Variants in ESRRG observed in about 807,000 individuals in gnomAD.
ESRRG encodes the protein estrogen-related receptor gamma.
A neutral mutation model predicts 44.0 loss-of-function variants in ESRRG; 13 were observed. The observed-to-expected ratio is 0.30, with a 90% CI of 0.19 to 0.47. The LOEUF is 0.47. ESRRG is among the 20% of genes least tolerant of loss of function. The probability of loss-of-function intolerance (pLI) is 1.00; values close to 1 mark genes in which losing one functional copy is unlikely to be tolerated. For synonymous variants in ESRRG, 215 were observed against 214.6 expected (o/e 1.00, Z -0.02); for missense variants, 395 against 580.6 (o/e 0.68, Z 3.29).
intron 1 of ESRRG, among the ~76,000 whole-genome samples, chr1:217,100,529 T>C (rs531691671): frequency 6.6e-6 from 1 of 152,338 alleles, no homozygotes; most frequent in South Asian, 2.1e-4. Flanking sequence ...AGCCAGTTAG[T>C]TGTATTAGCC....
At chr1:216,991,448 C>T (rs2075684801) in intron 1 of ESRRG, among the ~76,000 whole-genome samples, 1 of 152,094 alleles carries the variant, frequency 6.6e-6, no homozygotes, top group East Asian at 1.9e-4. Context: ...CATTGGGAGC[C>T]TACTCTGGGC....
intron 2 of ESRRG, among the ~76,000 whole-genome samples, chr1:216,735,310 G>A (rs952853739): frequency 6.6e-6 from 1 of 151,744 alleles, no homozygotes; most frequent in Non-Finnish European, 1.5e-5. Flanking sequence ...CTGTGCTCAA[G>A]TGATCCTTCT....
At chr1:217,059,596 G>A (rs2087908001) in intron 1 of ESRRG, among the ~76,000 whole-genome samples, 1 of 152,054 alleles carries the variant, frequency 6.6e-6, no homozygotes, top group Admixed American at 6.6e-5. Context: ...CCAACTTGCT[G>A]TTGCCCCTGC....
chr1:216,762,529 G>A (rs1008591261), intron 2 of ESRRG, among the ~76,000 whole-genome samples: 2 of 141,914 alleles, frequency 1.4e-5, no homozygotes, highest in African/African-American at 5.3e-5. Flanking sequence ...CACAGGAAGG[G>A]GAACATCACA....
chr1:216,894,027 A>C (rs949020986), intron 2 of ESRRG, among the ~76,000 whole-genome samples: 1 of 152,224 alleles, frequency 6.6e-6, no homozygotes, highest in Non-Finnish European at 1.5e-5. Context: ...TCCAAAATGC[A>C]TGTTGGCTTC....
At chr1:216,926,272 A>G (rs750402635) in intron 2 of ESRRG, among the ~76,000 whole-genome samples, 3 of 152,200 alleles carry the variant, frequency 2.0e-5, no homozygotes, top group Non-Finnish European at 2.9e-5. Context: ...GGGACACACC[A>G]CACTCTCATA....
chr1:217,035,881 G>A (rs1227210231), intron 1 of ESRRG, among the ~76,000 whole-genome samples: 1 of 152,094 alleles, frequency 6.6e-6, no homozygotes, highest in Admixed American at 6.5e-5. Context: ...ACAACTTACA[G>A]AATGAGAGAA....
At chr1:216,918,792 T>C (rs2061488712) in intron 2 of ESRRG, among the ~76,000 whole-genome samples, 1 of 149,290 alleles carries the variant, frequency 6.7e-6, no homozygotes, top group African/African-American at 2.4e-5. Context: ...ATCCCTATAT[T>C]TGAAATCAGA....
rs138489444 is a variant in ESRRG, at chr1:216,722,869, T to C, written c.56+375A>G. On this transcript the variant is annotated intron_variant, in intron 1 of 6. Coordinates refer to ENST00000408911, the MANE Select transcript of ESRRG (RefSeq NM_001438.4). ...GAGGCCCTCAATAGTATAAATCATT[T>C]TGAATATTGTATTTTAAAACATCTT... is the stretch of plus-strand genomic sequence containing the variant. Among the ~76,000 whole-genome samples, 357 of 152,318 alleles carry C rather than the reference T, an allele frequency of 2.3e-3. 1 individual carries two copies. The Middle Eastern group carries it at 0.031, about 13-fold the overall frequency.
chr1:216,599,754 C>A (rs927516243), intron 3 of ESRRG, among the ~76,000 whole-genome samples: 6 of 150,540 alleles, frequency 4.0e-5, no homozygotes, highest in South Asian at 2.1e-4. Flanking sequence ...ATGAAGAGTG[C>A]GTGATAGTAA....
At chr1:217,051,473 T>G (rs1465787040) in intron 1 of ESRRG, among the ~76,000 whole-genome samples, 1 of 152,210 alleles carries the variant, frequency 6.6e-6, no homozygotes, top group African/African-American at 2.4e-5. Flanking sequence ...TTATTTTTGC[T>G]GTTACTGCAA....
intron 2 of ESRRG, among the ~76,000 whole-genome samples, chr1:216,871,412 T>G (rs1480234933): frequency 2.0e-5 from 3 of 152,056 alleles, no homozygotes; most frequent in Non-Finnish European, 4.4e-5. Context: ...TCTTAATGAA[T>G]GTTCCATGCT....
chr1:216,851,039 T>G (rs2095835124), intron 2 of ESRRG, among the ~76,000 whole-genome samples: 2 of 149,778 alleles, frequency 1.3e-5, no homozygotes, highest in South Asian at 4.3e-4. Flanking sequence ...ACTCCTTATC[T>G]AGTATGTATA....
chr1:217,136,725 C>T (rs2093055520), intron 1 of ESRRG, among the ~76,000 whole-genome samples: 1 of 152,132 alleles, frequency 6.6e-6, no homozygotes, highest in Non-Finnish European at 1.5e-5. Context: ...GTGATTGGCT[C>T]AGTAGGATTT....
At chr1:216,904,435 T>C (rs777816611) in intron 2 of ESRRG, among the ~76,000 whole-genome samples, 1 of 152,146 alleles carries the variant, frequency 6.6e-6, no homozygotes, top group Non-Finnish European at 1.5e-5. Flanking sequence ...TAGTGTGAGA[T>C]TGCTAAAATT....
At chr1:217,135,736 AC>A (rs2093040464) in intron 1 of ESRRG, among the ~76,000 whole-genome samples, 1 of 151,794 alleles carries the variant, frequency 6.6e-6, no homozygotes, top group African/African-American at 2.4e-5. Flanking sequence ...CAGAAATAAA[AC>A]AAAACAAATC....
At chr1:216,852,703 G>C (rs1282136505) in intron 2 of ESRRG, among the ~76,000 whole-genome samples, 1 of 152,188 alleles carries the variant, frequency 6.6e-6, no homozygotes, top group Non-Finnish European at 1.5e-5. Context: ...AGCAAAAACA[G>C]TTGAATAATC....
At chr1:216,967,066 T>A (rs986481911) in intron 1 of ESRRG, among the ~76,000 whole-genome samples, 23 of 152,074 alleles carry the variant, frequency 1.5e-4, no homozygotes, top group African/African-American at 4.8e-4. Flanking sequence ...TTTAAGAAAA[T>A]AAATTTTACT....
intron 2 of ESRRG, among the ~76,000 whole-genome samples, chr1:216,730,210 G>A (rs763551033): frequency 8.6e-5 from 13 of 150,748 alleles, no homozygotes; most frequent in Non-Finnish European, 1.2e-4. Flanking sequence ...CTGAGGACAC[G>A]TGTCCAGTAA....
Sources: gnomAD v4.1 joint callset for allele counts (sites outside exome capture counted in the v4.1 genomes callset) on GRCh38, gnomAD v4.1.1 for gene constraint, MANE v1.5 for transcripts, NCBI Gene and HGNC (gene_info 2026-07-23, HGNC 2026-07-21) for gene names.